Variants in PITPNC1 observed in about 807,000 individuals in gnomAD.
The protein encoded by PITPNC1 is cytoplasmic phosphatidylinositol transfer protein 1.
In PITPNC1, 18 loss-of-function variants were observed where a neutral mutation model predicts 44.7. The observed-to-expected ratio is 0.40, with a 90% confidence interval of 0.28 to 0.60. PITPNC1 has a LOEUF of 0.60. Ranked by LOEUF, PITPNC1 falls within the 20% of genes least tolerant of loss-of-function variation. The probability of loss-of-function intolerance (pLI) is 0.39; values close to 1 mark genes in which losing one functional copy is unlikely to be tolerated. For missense variants in PITPNC1, 290 were observed against 418.4 expected, an observed-to-expected ratio of 0.69 and a Z score of 2.68; for synonymous variants, 141 against 149.6, an observed-to-expected ratio of 0.94 and a Z score of 0.42.
At chr17:67,423,401 C>T (rs1282300376) in intron 1 of PITPNC1, among the ~76,000 whole-genome samples, 1 of 152,152 alleles carries the variant, frequency 6.6e-6, no homozygotes, top group Non-Finnish European at 1.5e-5. Context: ...CTGGAGCACC[C>T]CGGTGACCCC....
At chr17:67,425,184 TG>T (rs1428291798) in intron 1 of PITPNC1, among the ~76,000 whole-genome samples, 1 of 76,248 alleles carries the variant, frequency 1.3e-5, no homozygotes, top group Non-Finnish European at 2.7e-5. Context: ...ACAGCCATGT[TG>T]TGCGCGCGCA....
intron 6 of PITPNC1, among the ~76,000 whole-genome samples, chr17:67,653,887 G>C (rs565918551): frequency 3.9e-5 from 6 of 152,214 alleles, no homozygotes; most frequent in Non-Finnish European, 8.8e-5. Context: ...TTCACAAGGA[G>C]AGCTTGTAAG....
chr17:67,455,459 C>T (rs980187901), intron 1 of PITPNC1, among the ~76,000 whole-genome samples: 15 of 152,198 alleles, frequency 9.9e-5, no homozygotes, highest in African/African-American at 3.6e-4. Context: ...TTGAGACAGA[C>T]TCTCGCTCTG....
intron 1 of PITPNC1, among the ~76,000 whole-genome samples, chr17:67,438,981 C>G (rs2038975216): frequency 1.3e-5 from 2 of 152,158 alleles, no homozygotes; most frequent in African/African-American, 4.8e-5. Flanking sequence ...AAAAAATGAC[C>G]TGCACTCTCC....
At chr17:67,622,969 G>A (rs552258164) in intron 5 of PITPNC1, among the ~76,000 whole-genome samples, 1 of 152,164 alleles carries the variant, frequency 6.6e-6, no homozygotes, top group South Asian at 2.1e-4. Context: ...CACCAAACCA[G>A]TAGCCACTTT....
At chr17:67,668,893 G>T (rs1023999661) in intron 6 of PITPNC1, among the ~76,000 whole-genome samples, 1 of 151,984 alleles carries the variant, frequency 6.6e-6, no homozygotes, top group African/African-American at 2.4e-5. Flanking sequence ...AAAGAGAAAA[G>T]AAAAAATTGA....
At chr17:67,660,370 C>T (rs949671473) in intron 6 of PITPNC1, among the ~76,000 whole-genome samples, 3 of 151,956 alleles carry the variant, frequency 2.0e-5, no homozygotes, top group Middle Eastern at 6.3e-3. Flanking sequence ...TTGTCTCTGC[C>T]CTGGACTATA....
chr17:67,532,985 C>T (rs747721857), intron 2 of PITPNC1, 35 bp downstream of exon 2: 6 of 1,568,590 alleles, frequency 3.8e-6, no homozygotes, highest in Middle Eastern at 2.3e-4. Flanking sequence ...GCACAGAAGC[C>T]CCCTCCCACC....
chr17:67,444,434 G>C (rs1358406617), intron 1 of PITPNC1, among the ~76,000 whole-genome samples: 2 of 151,828 alleles, frequency 1.3e-5, no homozygotes, highest in Non-Finnish European at 2.9e-5. Flanking sequence ...GGGTGGCGGA[G>C]GGGGGTGAGC....
chr17:67,441,280 CCCCCCCGCCACCCATCAGT>C (rs902752333), intron 1 of PITPNC1, among the ~76,000 whole-genome samples: 218 of 149,360 alleles, frequency 1.5e-3, no homozygotes, highest in African/African-American at 5.2e-3. Flanking sequence ...TTATTAAGCC[CCCCCCCGCCACCCATCAGT>C]CCCCAGTTAT....
intron 1 of PITPNC1, among the ~76,000 whole-genome samples, chr17:67,425,128 C>T (rs1321266856): frequency 6.6e-6 from 1 of 151,606 alleles, no homozygotes; most frequent in South Asian, 2.1e-4. Flanking sequence ...CACCACACTT[C>T]GCTGACTCTT....
At chr17:67,388,726 T>C (rs1774331375) in intron 1 of PITPNC1, among the ~76,000 whole-genome samples, 1 of 151,876 alleles carries the variant, frequency 6.6e-6, no homozygotes, top group African/African-American at 2.4e-5. Context: ...GTTCAAGCAA[T>C]CCTCCCGCCT....
At chr17:67,425,178 CCATGTTGT>C (rs1432715431) in intron 1 of PITPNC1, among the ~76,000 whole-genome samples, 16 of 139,230 alleles carry the variant, frequency 1.1e-4, no homozygotes, top group African/African-American at 3.7e-4. Context: ...AAATAAACAG[CCATGTTGT>C]GCGCGCGCAC....
At chr17:67,505,697 G>A (rs990767803) in intron 1 of PITPNC1, among the ~76,000 whole-genome samples, 2 of 151,970 alleles carry the variant, frequency 1.3e-5, no homozygotes, top group East Asian at 1.9e-4. Flanking sequence ...GGCTGGTCTC[G>A]ATCTCCTGAC....
chr17:67,443,935 G>A (rs1214266525), intron 1 of PITPNC1, among the ~76,000 whole-genome samples: 1 of 151,810 alleles, frequency 6.6e-6, no homozygotes, highest in Non-Finnish European at 1.5e-5. Context: ...GCGCCCGGCC[G>A]ACACTGGTCT....
At chr17:67,460,768 G>A (rs1411881735) in intron 1 of PITPNC1, among the ~76,000 whole-genome samples, 4 of 127,112 alleles carry the variant, frequency 3.1e-5, no homozygotes, top group South Asian at 5.3e-4. Flanking sequence ...TTTTTGAGAC[G>A]GAGCCTGGCT....
At chr17:67,479,285 T>C (rs2144023620) in intron 1 of PITPNC1, among the ~76,000 whole-genome samples, 1 of 152,298 alleles carries the variant, frequency 6.6e-6, no homozygotes, top group South Asian at 2.1e-4. Context: ...ACACGTCCAG[T>C]AGAGACAGAC....
At chr17:67,498,069 C>A (rs1009995441) in intron 1 of PITPNC1, among the ~76,000 whole-genome samples, 1 of 149,968 alleles carries the variant, frequency 6.7e-6, no homozygotes, top group Non-Finnish European at 1.5e-5. Context: ...GAGTTTTCAC[C>A]ATGTTAGCCA....
chr17:67,450,926 C>T (rs1003759979), intron 1 of PITPNC1, among the ~76,000 whole-genome samples: 2 of 152,168 alleles, frequency 1.3e-5, no homozygotes, highest in African/African-American at 4.8e-5. Context: ...TTGGCCTATT[C>T]TAGGTACCTC....
Sources: gnomAD v4.1 joint callset for allele counts (sites outside exome capture counted in the v4.1 genomes callset) on GRCh38, gnomAD v4.1.1 for gene constraint, MANE v1.5 for transcripts, NCBI Gene and HGNC (gene_info 2026-07-23, HGNC 2026-07-21) for gene names.